The following CD300A variants were observed in gnomAD, a reference collection of about 807,000 sequenced individuals.
The protein encoded by CD300A is CD300a molecule.
CD300A carries 22 observed loss-of-function variants against 33.6 expected under a neutral mutation model. The ratio of observed to expected loss-of-function variants is 0.66; its 90% CI spans 0.47 to 0.94. The LOEUF is 0.94. Among genes scored for constraint, CD300A ranks in the 40% least tolerant of loss-of-function variants. The probability of loss-of-function intolerance (pLI) is 0.00; values close to 1 mark genes in which losing one functional copy is unlikely to be tolerated. For synonymous variants in CD300A, 136 were observed against 148.1 expected, an observed-to-expected ratio of 0.92 and a Z score of 0.59; for missense variants, 326 against 360.5, an observed-to-expected ratio of 0.90 and a Z score of 0.77.
In CD300A at chr17:74,466,795, G is replaced by A. The variant is rs375821287; in HGVS notation, c.40+52G>A. On this transcript the variant is annotated intron_variant, in intron 1 of 6. Coordinates refer to ENST00000360141, the MANE Select transcript of CD300A (RefSeq NM_007261.4). ...CTGCGGCAGGGAGGGAGGGTGCGAG[G>A]GGCAGGGCCGCAGGGCAGGTATCAC... 335 of 1,559,278 alleles carry A rather than the reference G, an allele frequency of 2.1e-4. 3 individuals are homozygous for A. In the African/African-American group the frequency reaches 4.2e-3, roughly 20 times the overall value.
Position 74,475,580 on chromosome 17 carries a change from C to A in CD300A, c.533+895C>A, listed in dbSNP as rs140354112. 2.6e-3 allele frequency among the ~76,000 whole-genome samples: 389 copies of A among 152,306 alleles called. 1 individual carries two copies. The highest frequency in any genetic ancestry group is 8.6e-3 in the African/African-American group (359 of 41,570). On this transcript the variant is annotated intron_variant, in intron 3 of 6. Transcript: ENST00000360141. The stretch of plus-strand genomic sequence containing the variant: ...AGAATCTGACATCTATGGACACTCT[C>A]CCCAGAAAAACACATGCAGTCACAA...
rs539163907 is a variant in CD300A, at chr17:74,480,572, G to A, written c.629-717G>A. On this transcript the variant is annotated intron_variant, in intron 4 of 6. Coordinates refer to ENST00000360141, the MANE Select transcript of CD300A (RefSeq NM_007261.4). This position sits in a 1 kb window ranked among gnomAD's most constrained non-coding sequence, Gnocchi z 4.2. ...GTCTGGGAGGGCAGACCTCAGGCAC[G>A]GGGATGGGAGCAGAGGCCCCAGCAA... 1.3e-5 allele frequency among the ~76,000 whole-genome samples: 2 copies of A among 152,158 alleles called. No individual in the cohort carries two copies. Among genetic ancestry groups the A allele is most frequent in the Non-Finnish European group, 2.9e-5 (2 of 68,024 alleles).
chr17:74,482,725 T>TCTTTCTTA (rs1906977727), intron 6 of CD300A, among the ~76,000 whole-genome samples: 1 of 118,240 alleles, frequency 8.5e-6, no homozygotes, highest in Non-Finnish European at 1.6e-5. Context: ...TTTCTTTCTT[T>TCTTTCTTA]CTTTCTTTGG....
At position 74,479,763 on chromosome 17, in the gene CD300A, A is replaced by G. The variant is rs565410831; in HGVS notation, c.629-1526A>G. Among the ~76,000 whole-genome samples the G allele has an allele frequency of 1.4e-3, 214 of 152,172 alleles. 1 individual carries two copies. The highest frequency in any genetic ancestry group is 2.1e-3 in the Non-Finnish European group (145 of 67,996). On this transcript the variant is annotated intron_variant, in intron 4 of 6. Coordinates refer to ENST00000360141, the MANE Select transcript of CD300A (RefSeq NM_007261.4). ...CCCCTGCTTTGCAAGTCCGTGCCCC[A>G]TCCCCTGACTGTGTGGCTGGGGCTG...
At chr17:74,483,405 T>A (rs1472289675) in intron 6 of CD300A, among the ~76,000 whole-genome samples, 1 of 151,042 alleles carries the variant, frequency 6.6e-6, no homozygotes, top group Non-Finnish European at 1.5e-5. Context: ...GTCGCCAGGC[T>A]GGAGAGCAGT....
rs1906735362 is a variant in CD300A at position 74,480,085 on chromosome 17, G to C, written c.629-1204G>C. Among the ~76,000 whole-genome samples the C allele has an allele frequency of 6.6e-6, 1 of 152,108 alleles. No individual in the cohort carries two copies. Among genetic ancestry groups the C allele is most frequent in the East Asian group, 1.9e-4 (1 of 5,178 alleles). On this transcript the variant is annotated intron_variant, in intron 4 of 6. Transcript: ENST00000360141. This position sits in a 1 kb window ranked among gnomAD's most constrained non-coding sequence, Gnocchi z 4.2. ...CCAGCTCTTTTTCTCCTTCCCATCA[G>C]AACACTTGTCCCAGGTGGGGACAGG... is the stretch of plus-strand genomic sequence containing the variant.
At position 74,473,559 on chromosome 17, in the gene CD300A, A is replaced by G. The variant is rs1180127535; in HGVS notation, c.64A>G (p.Arg22Gly). The G allele has an allele frequency of 6.2e-7, 1 of 1,613,716 alleles. No individual in the cohort carries two copies. The highest frequency in any genetic ancestry group is 8.5e-7 in the Non-Finnish European group (1 of 1,179,806). ...AGGATGTTTTGCTCTGAGCAAATGC[A>G]GGACCGTGGCGGGCCCCGTGGGGGG... ...VPGCFALSKC[R>G]TVAGPVGGSL... The change falls in exon 2 of 7, where the codon AGG becomes GGG. Residue 22 changes from arginine (R) to glycine (G), a missense_variant. Physicochemically the swap from Arg to Gly is moderately radical, Grantham distance 125. Transcript: ENST00000360141.
chr17:74,470,978 A>C (rs1340686826), intron 1 of CD300A, among the ~76,000 whole-genome samples: 17 of 151,408 alleles, frequency 1.1e-4, no homozygotes, highest in Admixed American at 6.6e-4. Context: ...TCAGGGTCTC[A>C]CTCTGTCACC....
At chr17:74,466,459 C>CT, upstream of CD300A, 2 of 580,044 alleles carry the variant, frequency 3.4e-6, no homozygotes, top group South Asian at 4.1e-5. Flanking sequence ...CTAGAAATAG[C>CT]CGAAGAACCT....
intron 6 of CD300A, among the ~76,000 whole-genome samples, chr17:74,482,384 G>C (rs1401207754): frequency 6.6e-6 from 1 of 151,816 alleles, no homozygotes; most frequent in Admixed American, 6.6e-5. Flanking sequence ...CCCAGGCCTG[G>C]GAGCTGAAGA....
At chr17:74,483,351 CTTTTCTTTTTTTCTTTTT>C (rs1907041449) in intron 6 of CD300A, among the ~76,000 whole-genome samples, 1 of 146,336 alleles carries the variant, frequency 6.8e-6, no homozygotes. Context: ...TTTTTCTTTT[CTTTTCTTTTTTTCTTTTT>C]TTTTTTTGAG....
chr17:74,481,921 G>A, intron 6 of CD300A, 88 bp downstream of exon 6: 5 of 914,240 alleles, frequency 5.5e-6, no homozygotes, highest in Middle Eastern at 3.1e-4. Flanking sequence ...GGAAGGAAGG[G>A]GTCGGCTTGG....
rs1906870431 is a variant in CD300A at position 74,481,780 on chromosome 17, C to G, written c.721C>G (p.Leu241Val). ...YANLELLMWP[L>V]QEKPAPPREV... The stretch of plus-strand genomic sequence containing the variant: ...AAATCTGGAGCTGCTGATGTGGCCT[C>G]TGCAGGAAAAGCCAGCACCACCAAG... The change falls in exon 6 of 7, where the codon CTG (leucine) becomes GTG (valine). Residue 241 changes from leucine to valine, a missense_variant. Transcript: ENST00000360141. The G allele has an allele frequency of 6.2e-7, 1 of 1,613,260 alleles. No individual in the cohort carries two copies. The highest frequency in any genetic ancestry group is 8.5e-7 in the Non-Finnish European group (1 of 1,179,846).
chr17:74,474,393 G>A, intron 2 of CD300A, 139 bp from the exon 3 acceptor site: 1 of 818,602 alleles, frequency 1.2e-6, no homozygotes, highest in African/African-American at 1.7e-5. Flanking sequence ...GGGTCCTGGA[G>A]AGACTCTAGC....
In CD300A at chr17:74,484,096, T is replaced by G; in HGVS notation, c.870T>G (p.Asp290Glu). ...AAQRPREEEP[D>E]SDYSVIRKT ...AGAGGCCTCGGGAGGAGGAACCAGA[T>G]TCAGATTACAGTGTGATAAGGAAGA... Residue 290 changes from aspartate (D) to glutamate (E), a missense_variant, in exon 7 of 7, where the codon GAT becomes GAG. By Grantham distance (45) the Asp-to-Glu change is conservative. Transcript: ENST00000360141. The G allele has an allele frequency of 6.2e-7, 1 of 1,613,938 alleles. No homozygotes were observed. The highest frequency in any genetic ancestry group is 8.5e-7 in the Non-Finnish European group (1 of 1,179,934).
intron 1 of CD300A, among the ~76,000 whole-genome samples, chr17:74,472,836 C>T (rs1309351675): frequency 6.6e-6 from 1 of 152,174 alleles, no homozygotes; most frequent in African/African-American, 2.4e-5. Context: ...TCTCGAACTC[C>T]TGGCCTCAAG....
intron 1 of CD300A, chr17:74,470,079 C>T (rs1222105365): frequency 7.1e-6 from 7 of 985,176 alleles, no homozygotes; most frequent in East Asian, 1.1e-4. Context: ...TCAAGGAAAA[C>T]GTTAAGACGA....
upstream of CD300A, chr17:74,466,622 G>A: frequency 3.4e-6 from 5 of 1,452,784 alleles, no homozygotes; most frequent in South Asian, 3.6e-5. Context: ...CAGAAGTCGG[G>A]GCCTTGGAGG....
At chr17:74,481,893 G>A (rs1906882782) in intron 6 of CD300A, 60 bp downstream of exon 6, 6 of 1,238,228 alleles carry the variant, frequency 4.8e-6, no homozygotes, top group Non-Finnish European at 6.6e-6. Flanking sequence ...GGGCACCCCT[G>A]GGAGGGTGGG....
Sources: allele counts gnomAD v4.1 joint callset (sites outside exome capture counted in the v4.1 genomes callset), GRCh38; gene constraint gnomAD v4.1.1; non-coding constraint Gnocchi (gnomAD v3.1); transcripts MANE v1.5; gene names NCBI Gene and HGNC (gene_info 2026-07-23, HGNC 2026-07-21).